Variants in ZCCHC17 observed in about 807,000 individuals in gnomAD.
ZCCHC17 encodes zinc finger CCHC-type containing 17.
ZCCHC17 carries 18 observed loss-of-function variants against 30.6 expected under a neutral mutation model. The observed-to-expected ratio is 0.59, with a 90% CI of 0.41 to 0.87. The LOEUF (loss-of-function observed/expected upper bound fraction) is 0.87, where lower values mean the gene tolerates loss of function less well. ZCCHC17 is among the 40% of genes least tolerant of loss of function. ZCCHC17 has a pLI of 0.00. For synonymous variants in ZCCHC17, 88 were observed against 92.4 expected (o/e 0.95, Z 0.27); for missense variants, 263 against 284.2 (o/e 0.93, Z 0.54).
At chr1:31,320,668 A>C (rs951409580) in intron 3 of ZCCHC17, among the ~76,000 whole-genome samples, 1 of 152,136 alleles carries the variant, frequency 6.6e-6, no homozygotes, top group Non-Finnish European at 1.5e-5. Context: ...TGCCATTACA[A>C]ATTTATTGCA....
chr1:31,351,439 G>C (rs1452275453), intron 7 of ZCCHC17, among the ~76,000 whole-genome samples: 1 of 151,992 alleles, frequency 6.6e-6, no homozygotes, highest in Non-Finnish European at 1.5e-5. Flanking sequence ...CCTAGGTCTG[G>C]GCATTTTTTT....
intron 7 of ZCCHC17, among the ~76,000 whole-genome samples, chr1:31,355,890 A>G (rs1271038078): frequency 6.6e-6 from 1 of 152,162 alleles, no homozygotes; most frequent in African/African-American, 2.4e-5. Context: ...GTTTTCCTTA[A>G]CAGTAAAATC....
intron 5 of ZCCHC17, among the ~76,000 whole-genome samples, chr1:31,341,757 A>G (rs1351870412): frequency 1.3e-5 from 2 of 152,248 alleles, no homozygotes; most frequent in Non-Finnish European, 2.9e-5. Flanking sequence ...AAAAGGAGAC[A>G]GTAACATATA....
intron 3 of ZCCHC17, among the ~76,000 whole-genome samples, chr1:31,321,599 T>C (rs1343777740): frequency 6.6e-6 from 1 of 152,162 alleles, no homozygotes; most frequent in African/African-American, 2.4e-5. Flanking sequence ...CTCAGCTTCC[T>C]GAGTAGCTGG....
At chr1:31,321,503 CTTGCTCTA>C (rs541094535) in intron 3 of ZCCHC17, among the ~76,000 whole-genome samples, 106 of 152,348 alleles carry the variant, frequency 7.0e-4, no homozygotes, top group African/African-American at 2.5e-3. Context: ...GAGACAGAGT[CTTGCTCTA>C]TTGCCCAGGC....
chr1:31,347,887 A>G (rs971015233), intron 6 of ZCCHC17, among the ~76,000 whole-genome samples: 19 of 152,314 alleles, frequency 1.2e-4, no homozygotes, highest in African/African-American at 3.8e-4. Context: ...GATTATAGGC[A>G]TAAGCCACTG....
At position 31,364,483 on chromosome 1, in the gene ZCCHC17, C is replaced by A; in HGVS notation, c.*290C>A. The A allele has an allele frequency of 2.5e-6, 1 of 407,858 alleles. No individual in the cohort carries two copies. Among genetic ancestry groups the A allele is most frequent in the Non-Finnish European group, 4.4e-6 (1 of 225,468 alleles). The allele number at this position is 407,858 out of a possible 1,614,324, so 25.3% of individuals were successfully genotyped here. A position where few individuals can be genotyped will look rare whatever the true frequency, so the allele number is the denominator to read the frequency against. ...TCATTCAGCAGGAGGTCCTATTACC[C>A]TCTCCAGCTGCCACTGCCAGAGCTG... On this transcript the variant is annotated 3_prime_UTR_variant, in exon 8 of 8. Transcript: ENST00000344147.
intron 2 of ZCCHC17, among the ~76,000 whole-genome samples, chr1:31,316,243 AG>A (rs1646729424): frequency 6.6e-6 from 1 of 152,214 alleles, no homozygotes; most frequent in South Asian, 2.1e-4. Context: ...CTGGGATTAC[AG>A]GCATGTGCCG....
intron 3 of ZCCHC17, among the ~76,000 whole-genome samples, chr1:31,324,914 G>A (rs1435169218): frequency 2.0e-5 from 3 of 152,244 alleles, no homozygotes; most frequent in African/African-American, 7.2e-5. Flanking sequence ...ATAGGGGCCA[G>A]GCTGTCAGTT....
In ZCCHC17 at chr1:31,348,830, C is replaced by A; in HGVS notation, c.420C>A (p.Gly140=). 5.0e-6 allele frequency: 8 copies of A among 1,612,360 alleles called. No individual in the cohort carries two copies. Among genetic ancestry groups the A allele is most frequent in the Non-Finnish European group, 6.8e-6 (8 of 1,180,020 alleles). The change falls in exon 7 of 8, where the codon GGC becomes GGA. Residue 140 remains glycine, a splice_region_variant and synonymous_variant. Transcript: ENST00000344147. ...NTTCKKCGCK[G]HFAKDCFMQP... ...ACCTTTTCTACTTTTCTTCTGCAGGCCACTTTGCAAAAGATTGTTTCATGC... is the reference window on the plus strand; with the variant it reads ...ACCTTTTCTACTTTTCTTCTGCAGGACACTTTGCAAAAGATTGTTTCATGC...
intron 1 of ZCCHC17, among the ~76,000 whole-genome samples, chr1:31,303,455 A>G (rs1646368936): frequency 6.6e-6 from 1 of 152,234 alleles, no homozygotes; most frequent in Admixed American, 6.5e-5. Flanking sequence ...AGTAACAAAA[A>G]AATCTAAATC....
At chr1:31,341,209 T>C (rs1639035315) in intron 5 of ZCCHC17, among the ~76,000 whole-genome samples, 1 of 152,192 alleles carries the variant, frequency 6.6e-6, no homozygotes, top group Non-Finnish European at 1.5e-5. Context: ...ATTAACATGT[T>C]TGTAAGGCTG....
chr1:31,332,412 AATC>A (rs1478395213), intron 3 of ZCCHC17, among the ~76,000 whole-genome samples: 1 of 152,216 alleles, frequency 6.6e-6, no homozygotes, highest in Non-Finnish European at 1.5e-5. Context: ...CAACTTTAAT[AATC>A]CTGTACCCCG....
intron 7 of ZCCHC17, among the ~76,000 whole-genome samples, chr1:31,360,639 C>T (rs766109156): frequency 3.9e-5 from 6 of 152,188 alleles, no homozygotes; most frequent in Non-Finnish European, 8.8e-5. Flanking sequence ...GCCCTTCTTG[C>T]TAGCTAGAGT....
At chr1:31,310,013 C>G (rs1646559568) in intron 1 of ZCCHC17, 31 bp from the exon 2 acceptor site, 14 of 1,307,774 alleles carry the variant, frequency 1.1e-5, no homozygotes, top group Non-Finnish European at 1.5e-5. Context: ...GCAGATATCT[C>G]TCTAATTGGT....
chr1:31,300,350 A>G (rs1646280611), intron 1 of ZCCHC17, among the ~76,000 whole-genome samples: 1 of 152,154 alleles, frequency 6.6e-6, no homozygotes, highest in South Asian at 2.1e-4. Context: ...ATAAGCCACC[A>G]TGCCTGGCCC....
chr1:31,311,436 G>C (rs1646598658), intron 2 of ZCCHC17, among the ~76,000 whole-genome samples: 2 of 152,154 alleles, frequency 1.3e-5, no homozygotes, highest in Admixed American at 1.3e-4. Flanking sequence ...TTTAGGATTT[G>C]TGCACATGCT....
At chr1:31,340,757 C>T (rs571047311) in intron 5 of ZCCHC17, among the ~76,000 whole-genome samples, 1 of 152,080 alleles carries the variant, frequency 6.6e-6, no homozygotes, top group African/African-American at 2.4e-5. Context: ...ATTAGGTACG[C>T]TCAATGACAA....
intron 5 of ZCCHC17, among the ~76,000 whole-genome samples, chr1:31,345,569 T>TATATATATATAATATA (rs1557452493): frequency 7.5e-6 from 1 of 133,894 alleles, no homozygotes; most frequent in African/African-American, 2.8e-5. Context: ...TATAATATAA[T>TATATATATATAATATA]ATATATATAT....
Sources: allele counts gnomAD v4.1 joint callset (sites outside exome capture counted in the v4.1 genomes callset), GRCh38; gene constraint gnomAD v4.1.1; transcripts MANE v1.5; gene names NCBI Gene and HGNC (gene_info 2026-07-23, HGNC 2026-07-21).